The following LBP variants were observed in gnomAD, a reference collection of about 807,000 sequenced individuals.
LBP encodes the protein lipopolysaccharide-binding protein.
Under a neutral mutation model 56.6 loss-of-function variants are expected in LBP, and 53 were observed. The observed-to-expected ratio is 0.94, with a 90% CI of 0.75 to 1.18. LBP has a LOEUF of 1.18. Ranked by LOEUF, LBP falls within the 50% of genes most tolerant of loss-of-function variation. The pLI, the probability that LBP is intolerant of heterozygous loss-of-function variation, is 0.00. For synonymous variants in LBP, 227 were observed against 247.5 expected (o/e 0.92, Z 0.78); for missense variants, 601 against 598.3 (o/e 1.00, Z -0.05).
intron 14 of LBP, among the ~76,000 whole-genome samples, chr20:38,376,019 C>T (rs530046698): frequency 6.6e-6 from 1 of 152,314 alleles, no homozygotes; most frequent in East Asian, 1.9e-4. Context: ...ACAGTTCATA[C>T]CATCGGCCTC....
chr20:38,360,536 T>A (rs2076856139), intron 5 of LBP, among the ~76,000 whole-genome samples, 168 bp from the exon 6 acceptor site: 1 of 152,116 alleles, frequency 6.6e-6, no homozygotes, highest in Non-Finnish European at 1.5e-5. Flanking sequence ...CCCACATAGT[T>A]TTATTGTTTG....
intron 12 of LBP, among the ~76,000 whole-genome samples, chr20:38,372,161 G>A (rs969525786): frequency 2.6e-5 from 4 of 152,200 alleles, no homozygotes; most frequent in African/African-American, 7.2e-5. Context: ...CAAAGTTATG[G>A]AGAAGAGCTT....
At chr20:38,351,829 T>G (rs775796965) in intron 3 of LBP, among the ~76,000 whole-genome samples, 3 of 152,114 alleles carry the variant, frequency 2.0e-5, no homozygotes, top group Non-Finnish European at 4.4e-5. Context: ...AAGACCAGCC[T>G]GGCCAACATG....
At chr20:38,362,307 G>A (rs185910784) in intron 6 of LBP, among the ~76,000 whole-genome samples, 4 of 144,730 alleles carry the variant, frequency 2.8e-5, no homozygotes, top group East Asian at 2.2e-4. Flanking sequence ...TGATCCGCCC[G>A]CTCGGCCTCC....
intron 11 of LBP, 122 bp downstream of exon 11, chr20:38,370,927 C>G (rs2076898707): frequency 2.5e-6 from 2 of 802,814 alleles, no homozygotes; most frequent in Admixed American, 1.9e-5. Flanking sequence ...ACATTTCACC[C>G]CAATTGGCCC....
chr20:38,362,053 C>CTTTTT (rs1229689650), intron 6 of LBP, among the ~76,000 whole-genome samples: 69 of 117,622 alleles, frequency 5.9e-4, no homozygotes, highest in African/African-American at 6.6e-4. Context: ...TTTTTGTTTT[C>CTTTTT]TTTTTTTTTT....
chr20:38,353,479 C>CTTT (rs35504317), intron 3 of LBP, among the ~76,000 whole-genome samples: 1 of 69,098 alleles, frequency 1.4e-5, no homozygotes, highest in African/African-American at 4.7e-5. Context: ...AGGCTGCTTC[C>CTTT]TTTTTTTTTT....
At chr20:38,353,368 G>A (rs1459034265) in intron 3 of LBP, among the ~76,000 whole-genome samples, 1 of 151,814 alleles carries the variant, frequency 6.6e-6, no homozygotes, top group Non-Finnish European at 1.5e-5. Flanking sequence ...ACTGGGGTTG[G>A]AGACTCCTGG....
At chr20:38,348,837 A>G (rs2076810572) in intron 1 of LBP, among the ~76,000 whole-genome samples, 1 of 151,294 alleles carries the variant, frequency 6.6e-6, no homozygotes, top group South Asian at 2.1e-4. Context: ...TCTGTCGCCC[A>G]GGCTAGAGTG....
intron 6 of LBP, among the ~76,000 whole-genome samples, chr20:38,363,519 G>A (rs949789156): frequency 5.9e-5 from 9 of 152,176 alleles, no homozygotes; most frequent in South Asian, 2.1e-4. Flanking sequence ...GCCCCTATGC[G>A]GTTATTTGCT....
chr20:38,363,172 G>C lies in LBP; in HGVS notation c.653-803G>C, dbSNP rs563003634. ...TAGTACCTATGGTCGCATGTCTTTG[G>C]GTATATATCTGGGAGTGAAATTGCA... On this transcript the variant is annotated intron_variant, in intron 6 of 14. Transcript: ENST00000217407. Among the ~76,000 whole-genome samples, 4 of 152,162 alleles carry C rather than the reference G, an allele frequency of 2.6e-5. No homozygotes were observed. The South Asian group carries it at 8.3e-4, about 32-fold the overall frequency.
intron 6 of LBP, among the ~76,000 whole-genome samples, chr20:38,361,649 C>A (rs1346445205): frequency 6.6e-6 from 1 of 152,142 alleles, no homozygotes. Flanking sequence ...AAGTGATCTG[C>A]CCACCTCAGC....
intron 5 of LBP, among the ~76,000 whole-genome samples, chr20:38,356,497 C>G (rs1007276235): frequency 1.3e-5 from 2 of 151,334 alleles, no homozygotes; most frequent in South Asian, 4.2e-4. Flanking sequence ...TTTGAGTGCC[C>G]CCTCGTGGTT....
chr20:38,346,611 C>T lies in LBP; in HGVS notation c.95C>T (p.Ala32Val). 6.2e-7 allele frequency: 1 copy of T among 1,613,652 alleles called. No homozygotes were observed. The highest frequency in any genetic ancestry group is 8.5e-7 in the Non-Finnish European group (1 of 1,179,994). ...CTGGGTGCCAACCCCGGCTTGGTCG[C>T]CAGGATCACCGACAAGGGACTGCAG... The part of the protein sequence containing the change: ...EALGANPGLV[A>V]RITDKGLQYA... The change falls in exon 1 of 15, where the codon GCC (alanine) becomes GTC (valine). Residue 32 changes from alanine to valine, a missense_variant. Transcript: ENST00000217407.
chr20:38,353,024 C>G (rs1488822391), intron 3 of LBP, among the ~76,000 whole-genome samples: 3 of 152,074 alleles, frequency 2.0e-5, no homozygotes, highest in African/African-American at 7.3e-5. Context: ...TACATATGCA[C>G]ATTTGTTCTA....
At chr20:38,363,907 C>A in intron 6 of LBP, 68 bp from the exon 7 acceptor site, 2 of 1,124,460 alleles carry the variant, frequency 1.8e-6, no homozygotes, top group Non-Finnish European at 1.4e-6. Context: ...TCAGCCAGAG[C>A]CCTTGCCCCT....
At chr20:38,350,510 T>G (rs983935743) in intron 2 of LBP, among the ~76,000 whole-genome samples, 1 of 152,088 alleles carries the variant, frequency 6.6e-6, no homozygotes, top group African/African-American at 2.4e-5. Context: ...GTCATTAGAT[T>G]CATGGGTTCT....
intron 1 of LBP, among the ~76,000 whole-genome samples, chr20:38,349,014 C>T (rs1450877634): frequency 6.6e-6 from 1 of 151,474 alleles, no homozygotes; most frequent in Non-Finnish European, 1.5e-5. Context: ...AGGCTGGTCT[C>T]GAACTCCTGA....
intron 13 of LBP, 97 bp from the exon 14 acceptor site, chr20:38,373,840 C>G: frequency 3.9e-6 from 4 of 1,030,454 alleles, no homozygotes; most frequent in Non-Finnish European, 6.0e-6. Flanking sequence ...TGGGAATATA[C>G]TGAATATAGA....
Sources: gnomAD v4.1 joint callset for allele counts (sites outside exome capture counted in the v4.1 genomes callset) on GRCh38, gnomAD v4.1.1 for gene constraint, MANE v1.5 for transcripts, NCBI Gene and HGNC (gene_info 2026-07-23, HGNC 2026-07-21) for gene names.